The following BAALC variants were observed in gnomAD, a reference collection of about 807,000 sequenced individuals.
The protein encoded by BAALC is BAALC binder of MAP3K1 and KLF4.
In BAALC, 9 loss-of-function variants were observed where a neutral mutation model predicts 15.5. That is an observed-to-expected ratio of 0.58 (90% CI 0.35 to 1.02). BAALC has a LOEUF of 1.02. Among genes scored for constraint, BAALC ranks in the 50% least tolerant of loss-of-function variants. The pLI is 0.02. For synonymous variants in BAALC, 80 were observed against 74.6 expected (o/e 1.07, Z -0.37); for missense variants, 201 against 192.4 (o/e 1.04, Z -0.27).
chr8:103,145,620 G>C (rs1362035480), intron 1 of BAALC, among the ~76,000 whole-genome samples: 2 of 152,188 alleles, frequency 1.3e-5, no homozygotes, highest in African/African-American at 4.8e-5. Flanking sequence ...TTTTCCTGCT[G>C]TTGTTGTTGC....
intron 1 of BAALC, among the ~76,000 whole-genome samples, chr8:103,163,893 G>A (rs1331675115): frequency 6.6e-6 from 1 of 152,176 alleles, no homozygotes; most frequent in Admixed American, 6.6e-5. Context: ...TAGAGTGAGT[G>A]CTGTTTTAGA....
intron 1 of BAALC, among the ~76,000 whole-genome samples, chr8:103,209,910 A>G (rs1232782674): frequency 6.6e-6 from 1 of 152,228 alleles, no homozygotes; most frequent in Non-Finnish European, 1.5e-5. Flanking sequence ...GAGGACACTG[A>G]GTAGCACTAT....
At chr8:103,161,955 T>A in intron 1 of BAALC, among the ~76,000 whole-genome samples, 1 of 82,032 alleles carries the variant, frequency 1.2e-5, no homozygotes, top group Admixed American at 9.3e-5. Flanking sequence ...CTGTTCTTTG[T>A]TTGTTTTTTG....
At chr8:103,173,949 T>C (rs1047730401) in intron 1 of BAALC, among the ~76,000 whole-genome samples, 4 of 152,036 alleles carry the variant, frequency 2.6e-5, no homozygotes, top group African/African-American at 9.7e-5. Flanking sequence ...CGTGAAGAAA[T>C]TACTGTAAAA....
intron 1 of BAALC, among the ~76,000 whole-genome samples, chr8:103,185,552 T>C (rs1811816119): frequency 6.6e-6 from 1 of 152,266 alleles, no homozygotes; most frequent in Non-Finnish European, 1.5e-5. Context: ...ATTTAATTTC[T>C]TGCTATAACA....
At chr8:103,142,562 C>T (rs1810801213) in intron 1 of BAALC, among the ~76,000 whole-genome samples, 1 of 151,764 alleles carries the variant, frequency 6.6e-6, no homozygotes, top group Non-Finnish European at 1.5e-5. Flanking sequence ...AGTCAAAGGC[C>T]AGAGATGTAC....
intron 1 of BAALC, among the ~76,000 whole-genome samples, chr8:103,153,554 C>T (rs12335035): frequency 0.39 from 58,776 of 151,944 alleles, 11,593 homozygotes; most frequent in East Asian, 0.44. Context: ...GTGCTGTGTA[C>T]GTGAAATGCA....
At chr8:103,164,280 A>T (rs1811293999) in intron 1 of BAALC, among the ~76,000 whole-genome samples, 1 of 152,094 alleles carries the variant, frequency 6.6e-6, no homozygotes, top group Non-Finnish European at 1.5e-5. Flanking sequence ...TGGGAGAGGG[A>T]TGTGGGGTAG....
intron 1 of BAALC, among the ~76,000 whole-genome samples, chr8:103,177,483 G>A (rs73282150): frequency 6.5e-4 from 99 of 152,152 alleles, no homozygotes; most frequent in African/African-American, 2.3e-3. Context: ...CACTGTACCC[G>A]GCCTTCTTCT....
At chr8:103,177,193 G>GTTTT (rs67361726) in intron 1 of BAALC, among the ~76,000 whole-genome samples, 2 of 145,508 alleles carry the variant, frequency 1.4e-5, no homozygotes, top group Non-Finnish European at 1.5e-5. Flanking sequence ...TTGTTGTTTT[G>GTTTT]TTTTTTTTTT....
rs1375995930 is a variant in BAALC, at chr8:103,229,530, A to G, written c.*1431A>G. 1 of 152,164 alleles carries G rather than the reference A, an allele frequency of 6.6e-6. No homozygotes were observed. Among genetic ancestry groups the G allele is most frequent in the Non-Finnish European group, 1.5e-5 (1 of 68,018 alleles). The allele number at this position is 152,164 out of a possible 1,614,324, so 9.4% of individuals were successfully genotyped here. ...ATTGTATATTTATTCACAAAACATT[A>G]AATGTCCATCCTGTGCCAGGTACTA... On this transcript the variant is annotated 3_prime_UTR_variant, in exon 3 of 3. Coordinates refer to ENST00000309982, the MANE Select transcript of BAALC (RefSeq NM_024812.3).
At chr8:103,201,412 A>G (rs1373796100) in intron 1 of BAALC, among the ~76,000 whole-genome samples, 1 of 152,026 alleles carries the variant, frequency 6.6e-6, no homozygotes, top group African/African-American at 2.4e-5. Flanking sequence ...CAGGTAAACA[A>G]TTCCCTGAAG....
intron 1 of BAALC, among the ~76,000 whole-genome samples, chr8:103,154,850 T>C (rs1240418135): frequency 1.3e-5 from 2 of 152,058 alleles, no homozygotes; most frequent in African/African-American, 2.4e-5. Context: ...AAACAGACTC[T>C]GAGGTAAACC....
At chr8:103,208,478 G>T (rs76565016) in intron 1 of BAALC, 8,033 of 152,266 alleles carry the variant, frequency 0.053, 235 homozygotes, top group South Asian at 0.099. Context: ...CGGCACCTCA[G>T]TTATGGCAGC....
At chr8:103,211,867 A>G (rs1812453586) in intron 1 of BAALC, among the ~76,000 whole-genome samples, 1 of 152,172 alleles carries the variant, frequency 6.6e-6, no homozygotes. Context: ...TGGCCTCAGC[A>G]GGTGGAAGAG....
intron 1 of BAALC, among the ~76,000 whole-genome samples, chr8:103,208,873 A>G (rs565711601): frequency 1.3e-5 from 2 of 152,178 alleles, no homozygotes; most frequent in East Asian, 3.9e-4. Context: ...GCTGTGTTTC[A>G]TGTCCTTCAA....
chr8:103,156,367 T>C (rs762639898), intron 1 of BAALC, among the ~76,000 whole-genome samples: 7 of 152,358 alleles, frequency 4.6e-5, no homozygotes, highest in Middle Eastern at 3.4e-3. Context: ...GATTTTATTA[T>C]GCAAATCATG....
chr8:103,204,831 A>T (rs756873580), intron 1 of BAALC, among the ~76,000 whole-genome samples: 4 of 152,216 alleles, frequency 2.6e-5, no homozygotes, highest in African/African-American at 7.2e-5. Context: ...ATTTCTCATC[A>T]GATTGAAGAA....
intron 1 of BAALC, among the ~76,000 whole-genome samples, chr8:103,169,443 G>A (rs1367801626): frequency 1.3e-5 from 2 of 152,094 alleles, no homozygotes; most frequent in Non-Finnish European, 2.9e-5. Flanking sequence ...TCTAATGTCT[G>A]CTGGTCCTGA....
Sources: gnomAD v4.1 joint callset for allele counts (sites outside exome capture counted in the v4.1 genomes callset) on GRCh38, gnomAD v4.1.1 for gene constraint, MANE v1.5 for transcripts, NCBI Gene and HGNC (gene_info 2026-07-23, HGNC 2026-07-21) for gene names.